Variants in MTA3 observed in about 807,000 individuals in gnomAD.
MTA3 encodes the protein metastasis-associated protein MTA3.
In MTA3, 34 loss-of-function variants were observed where a neutral mutation model predicts 83.5. The ratio of observed to expected loss-of-function variants is 0.41; its 90% CI spans 0.31 to 0.54. The LOEUF (loss-of-function observed/expected upper bound fraction) is 0.54, where lower values mean the gene tolerates loss of function less well. MTA3 is among the 20% of genes least tolerant of loss of function. The pLI is 0.33. For synonymous variants in MTA3, 303 were observed against 252.7 expected (o/e 1.20, Z -1.89); for missense variants, 761 against 726.4 (o/e 1.05, Z -0.55).
At chr2:42,717,049 T>A (rs920620312) in intron 14 of MTA3, among the ~76,000 whole-genome samples, 1 of 152,122 alleles carries the variant, frequency 6.6e-6, no homozygotes. Flanking sequence ...AGTATCTCAT[T>A]GTGTTTTTTT....
chr2:42,644,507 G>A (rs1687990606), intron 6 of MTA3, among the ~76,000 whole-genome samples: 1 of 152,172 alleles, frequency 6.6e-6, no homozygotes, highest in Admixed American at 6.5e-5. Context: ...TATTATAGGT[G>A]TGGCCTGGCC....
intron 8 of MTA3, among the ~76,000 whole-genome samples, chr2:42,681,701 G>A (rs1021414690): frequency 1.4e-4 from 21 of 151,364 alleles, no homozygotes; most frequent in Non-Finnish European, 3.1e-4. Context: ...TGCAGAGACA[G>A]GTCTCACTAT....
chr2:42,573,921 C>T (rs1489044500), intron 2 of MTA3, among the ~76,000 whole-genome samples: 3 of 152,090 alleles, frequency 2.0e-5, no homozygotes, highest in African/African-American at 7.2e-5. Context: ...TGGGTTCACA[C>T]CATTCTCCTG....
At chr2:42,655,328 T>C (rs1441104424) in intron 6 of MTA3, among the ~76,000 whole-genome samples, 2 of 152,218 alleles carry the variant, frequency 1.3e-5, no homozygotes, top group African/African-American at 4.8e-5. Context: ...CTCCAGACAT[T>C]ATGAGCTACT....
chr2:42,611,698 C>T (rs950358523), intron 4 of MTA3, among the ~76,000 whole-genome samples: 2 of 151,946 alleles, frequency 1.3e-5, no homozygotes, highest in Non-Finnish European at 2.9e-5. Context: ...TGCCTGTGGT[C>T]CCAGCTAATT....
chr2:42,620,803 G>A (rs1039761757), intron 4 of MTA3, among the ~76,000 whole-genome samples: 1 of 152,168 alleles, frequency 6.6e-6, no homozygotes, highest in African/African-American at 2.4e-5. Flanking sequence ...TGGTTAACTC[G>A]AGAAAACATG....
At chr2:42,602,551 T>C (rs1004856721) in intron 3 of MTA3, among the ~76,000 whole-genome samples, 3 of 152,158 alleles carry the variant, frequency 2.0e-5, no homozygotes, top group African/African-American at 7.2e-5. Context: ...CCAGTTGGTC[T>C]ATGTTCTTTC....
chr2:42,611,155 G>A (rs1287312598), intron 4 of MTA3, among the ~76,000 whole-genome samples: 1 of 151,248 alleles, frequency 6.6e-6, no homozygotes, highest in Non-Finnish European at 1.5e-5. Context: ...CTAATTTTTT[G>A]TATTTTTTTA....
At chr2:42,694,477 G>A (rs1693200534) in intron 9 of MTA3, among the ~76,000 whole-genome samples, 1 of 152,140 alleles carries the variant, frequency 6.6e-6, no homozygotes, top group Non-Finnish European at 1.5e-5. Context: ...GTCTGGTACA[G>A]ATTCTCCCTC....
chr2:42,700,385 G>A (rs572800702), intron 11 of MTA3, among the ~76,000 whole-genome samples: 1 of 152,300 alleles, frequency 6.6e-6, no homozygotes, highest in South Asian at 2.1e-4. Context: ...ACCTGGTTTT[G>A]CAGAACATAT....
chr2:42,498,925 A>T (rs1674269720), intron 2 of MTA3, among the ~76,000 whole-genome samples: 1 of 152,104 alleles, frequency 6.6e-6, no homozygotes, highest in South Asian at 2.1e-4. Flanking sequence ...GTCTTAGTTT[A>T]TTAAGGGGCA....
chr2:42,533,590 T>C (rs7557308), intron 2 of MTA3: 50,376 of 143,646 alleles, frequency 0.35, 9,000 homozygotes, highest in South Asian at 0.4. Flanking sequence ...TCCCAGCACT[T>C]TGGGAGGCCG....
At chr2:42,643,679 T>A (rs1035653720) in intron 5 of MTA3, among the ~76,000 whole-genome samples, 2 of 152,238 alleles carry the variant, frequency 1.3e-5, no homozygotes, top group African/African-American at 4.8e-5. Context: ...GTATACTTTT[T>A]AATCTTTTGA....
intron 12 of MTA3, among the ~76,000 whole-genome samples, chr2:42,705,580 C>T (rs969213284): frequency 3.3e-5 from 5 of 151,432 alleles, no homozygotes; most frequent in Non-Finnish European, 7.4e-5. Context: ...GTGGCATGCA[C>T]CTGTAATCCC....
intron 2 of MTA3, among the ~76,000 whole-genome samples, chr2:42,530,054 G>A (rs1252682367): frequency 1.3e-5 from 2 of 151,736 alleles, no homozygotes; most frequent in Admixed American, 6.6e-5. Context: ...GCGTGGTGGT[G>A]GGCGCCTGTA....
At chr2:42,616,028 G>A (rs1684838204) in intron 4 of MTA3, among the ~76,000 whole-genome samples, 1 of 151,340 alleles carries the variant, frequency 6.6e-6, no homozygotes, top group Admixed American at 6.6e-5. Flanking sequence ...CCGTACAGGC[G>A]TGAGCCACCG....
At chr2:42,595,170 C>T (rs1329194147) in intron 3 of MTA3, among the ~76,000 whole-genome samples, 2 of 127,286 alleles carry the variant, frequency 1.6e-5, no homozygotes, top group African/African-American at 3.1e-5. Flanking sequence ...AGTCCAGTGA[C>T]GCGATCTCAG....
At chr2:42,745,679 C>A (rs1180666980) in intron 16 of MTA3, among the ~76,000 whole-genome samples, 4 of 152,206 alleles carry the variant, frequency 2.6e-5, no homozygotes, top group African/African-American at 9.6e-5. Context: ...AGCCACTGCA[C>A]CCAGCTGAGA....
chr2:42,628,980 C>T (rs1244881329), intron 4 of MTA3, among the ~76,000 whole-genome samples: 1 of 152,018 alleles, frequency 6.6e-6, no homozygotes, highest in Non-Finnish European at 1.5e-5. Flanking sequence ...AATAGATTGC[C>T]AGAGTGAATT....
Sources: allele counts gnomAD v4.1 joint callset (sites outside exome capture counted in the v4.1 genomes callset), GRCh38; gene constraint gnomAD v4.1.1; transcripts MANE v1.5; gene names NCBI Gene and HGNC (gene_info 2026-07-23, HGNC 2026-07-21).